The following CLASP1 variants were observed in gnomAD, a reference collection of about 807,000 sequenced individuals.
CLASP1 encodes the protein cytoplasmic linker associated protein 1.
A neutral mutation model predicts 192.3 loss-of-function variants in CLASP1; 38 were observed. The observed-to-expected ratio is 0.20, with a 90% confidence interval of 0.15 to 0.26. The LOEUF is 0.26. Ranked by LOEUF, CLASP1 falls within the 10% of genes least tolerant of loss-of-function variation. The pLI is 1.00. For missense variants in CLASP1, 1,433 were observed against 1,932.5 expected, an observed-to-expected ratio of 0.74 and a Z score of 4.85; for synonymous variants, 691 against 712.8, an observed-to-expected ratio of 0.97 and a Z score of 0.49.
chr2:121,503,371 T>C, intron 7 of CLASP1, 137 bp from the exon 8 acceptor site: 1 of 598,504 alleles, frequency 1.7e-6, no homozygotes, highest in Non-Finnish European at 3.1e-6. Context: ...AACAAAACAG[T>C]GACTCAATCA....
chr2:121,595,440 G>A (rs771034281), intron 2 of CLASP1, among the ~76,000 whole-genome samples: 12 of 152,180 alleles, frequency 7.9e-5, no homozygotes, highest in Non-Finnish European at 1.6e-4. Context: ...TTAGGTCCAC[G>A]TTCTCACTCC....
chr2:121,642,285 C>T (rs949750849), intron 1 of CLASP1, among the ~76,000 whole-genome samples: 9 of 146,814 alleles, frequency 6.1e-5, no homozygotes, highest in South Asian at 2.2e-4. Context: ...AGGGTGGTGG[C>T]GCACACCTGG....
chr2:121,384,033 T>TATGTATATATACACAC (rs2072490698), intron 32 of CLASP1, among the ~76,000 whole-genome samples: 6 of 125,544 alleles, frequency 4.8e-5, no homozygotes, highest in African/African-American at 1.4e-4. Flanking sequence ...CACACACACA[T>TATGTATATATACACAC]ATATATGTAT....
intron 2 of CLASP1, among the ~76,000 whole-genome samples, chr2:121,560,984 G>GC (rs2059031460): frequency 6.6e-6 from 1 of 152,184 alleles, no homozygotes; most frequent in African/African-American, 2.4e-5. Context: ...CTGGCTCACT[G>GC]CAACCTCTGC....
rs558464961 is a variant in CLASP1 at position 121,471,761 on chromosome 2, T to C, written c.713-1801A>G. On this transcript the variant is annotated intron_variant, in intron 8 of 39. Transcript: ENST00000263710. ...CTGTGCCTTTAAATCCCCCAGATTG[T>C]CTTGTTATGCCATTCTGTTTCAAGA... 2.6e-5 allele frequency among the ~76,000 whole-genome samples: 4 copies of C among 152,320 alleles called. No individual in the cohort carries two copies. In the South Asian group the frequency reaches 6.2e-4, roughly 24 times the overall value.
chr2:121,410,994 A>G, intron 23 of CLASP1, 25 bp from the exon 25 acceptor site: 1 of 1,420,800 alleles, frequency 7.0e-7, no homozygotes, highest in African/African-American at 1.4e-5. Context: ...AAAGCAAAAG[A>G]TGTGTCACTT....
In CLASP1 at chr2:121,527,895, A is replaced by G. The variant is rs1559521881; in HGVS notation, c.379-5T>C. The G allele has an allele frequency of 6.2e-7, 1 of 1,611,020 alleles. No individual in the cohort carries two copies. The highest frequency in any genetic ancestry group is 1.3e-5 in the African/African-American group (1 of 74,860). On this transcript the variant is annotated splice_polypyrimidine_tract_variant and splice_region_variant and intron_variant, in intron 4 of 39. Transcript: ENST00000263710. ...AAGCATTCTGTCCCATACGTACTGC[A>G]GATGACAAAGAACAGGTGAGGAAAG...
chr2:121,341,255 G>A (rs962693158), intron 39 of CLASP1, among the ~76,000 whole-genome samples: 2 of 152,148 alleles, frequency 1.3e-5, no homozygotes, highest in African/African-American at 4.8e-5. Context: ...AGGGATACGG[G>A]GGCAGGGCCA....
At chr2:121,594,443 A>G (rs2062865192) in intron 2 of CLASP1, among the ~76,000 whole-genome samples, 1 of 150,516 alleles carries the variant, frequency 6.6e-6, no homozygotes, top group Admixed American at 6.6e-5. Context: ...CCCAGGCTGG[A>G]GTGCAGTGGC....
intron 37 of CLASP1, among the ~76,000 whole-genome samples, chr2:121,360,734 G>A (rs962483821): frequency 3.3e-5 from 5 of 152,196 alleles, no homozygotes; most frequent in Admixed American, 1.3e-4. Flanking sequence ...AGGGCAATGA[G>A]TCAAGGTGAG....
In CLASP1 at chr2:121,437,435, AT is replaced by A. The variant is rs559762207; in HGVS notation, c.1913-7259del. On this transcript the variant is annotated intron_variant, in intron 19 of 39. Coordinates refer to ENST00000263710, the Ensembl canonical transcript of CLASP1. ...TCACTTTTCTTGGAAATTTATGGGA[AT>A]TCTTTAAGATCTAGATTAAAGCTGA... is the stretch of plus-strand genomic sequence containing the variant. Among the ~76,000 whole-genome samples, 220 of 152,320 alleles carry A rather than the reference AT, an allele frequency of 1.4e-3. 1 individual carries two copies. Among genetic ancestry groups the A allele is most frequent in the African/African-American group, 4.7e-3 (197 of 41,576 alleles).
At chr2:121,565,568 TC>T (rs1248073320) in intron 2 of CLASP1, among the ~76,000 whole-genome samples, 1 of 152,178 alleles carries the variant, frequency 6.6e-6, no homozygotes, top group Non-Finnish European at 1.5e-5. Context: ...GAAGCCACTT[TC>T]CCACTGAACT....
Position 121,515,808 on chromosome 2 carries a change from C to T in CLASP1, c.547-46G>A, listed in dbSNP as rs779083168. ...CTTACAGCTGCTCTGTGTCATCCCC[C>T]AGCAAGTCCTGCTGGGACACAACAG... On this transcript the variant is annotated intron_variant, in intron 6 of 39. Transcript: ENST00000263710. 7 of 1,543,450 alleles carry T rather than the reference C, an allele frequency of 4.5e-6. No individual in the cohort carries two copies. The East Asian group carries it at 1.6e-4, about 35-fold the overall frequency.
chr2:121,354,967 C>T (rs2065130675), intron 37 of CLASP1, among the ~76,000 whole-genome samples: 2 of 152,088 alleles, frequency 1.3e-5, no homozygotes, highest in Admixed American at 6.5e-5. Flanking sequence ...TCCTTCTCTC[C>T]TCCCCATCTC....
intron 1 of CLASP1, among the ~76,000 whole-genome samples, chr2:121,623,601 T>A (rs1272379463): frequency 6.6e-6 from 1 of 151,908 alleles, no homozygotes; most frequent in Non-Finnish European, 1.5e-5. Context: ...GTGTGGAGAA[T>A]TTATGTTGAT....
At chr2:121,438,615 T>A (rs1391610976) in intron 19 of CLASP1, among the ~76,000 whole-genome samples, 2 of 152,174 alleles carry the variant, frequency 1.3e-5, no homozygotes, top group Non-Finnish European at 2.9e-5. Context: ...TGGCTCTGTT[T>A]ATATGCTGGA....
At chr2:121,401,130 C>T (rs2076104721) in intron 28 of CLASP1, among the ~76,000 whole-genome samples, 3 of 151,940 alleles carry the variant, frequency 2.0e-5, no homozygotes, top group Admixed American at 1.3e-4. Flanking sequence ...CATCATACAC[C>T]GATAGAAAAA....
intron 20 of CLASP1, among the ~76,000 whole-genome samples, chr2:121,429,744 CAGA>C (rs147881542): frequency 0.01 from 1,526 of 152,284 alleles, 28 homozygotes; most frequent in African/African-American, 0.035. Flanking sequence ...AAAATTACAT[CAGA>C]AGGATTCCTT....
At position 121,457,591 on chromosome 2, in the gene CLASP1, A is replaced by G. The variant is rs2086973822; in HGVS notation, c.1385+96T>C. On this transcript the variant is annotated intron_variant, in intron 14 of 39. Coordinates refer to ENST00000263710, the Ensembl canonical transcript of CLASP1. Reference sequence around the variant, plus strand: ...GCAGTGATTTTAAGTAATACTAAGCATGTTATACATGAAATTTTATCCATG... The same window carrying G: ...GCAGTGATTTTAAGTAATACTAAGCGTGTTATACATGAAATTTTATCCATG... 4.6e-6 allele frequency: 4 copies of G among 875,360 alleles called. No homozygotes were observed. In the Admixed American group the frequency reaches 8.6e-5, roughly 19 times the overall value. 54.2% of individuals were successfully genotyped at this position (875,360 alleles called of 1,614,324 possible). A position where few individuals can be genotyped will look rare whatever the true frequency, so the allele number is the denominator to read the frequency against.
Sources: gnomAD v4.1 joint callset for allele counts (sites outside exome capture counted in the v4.1 genomes callset) on GRCh38, gnomAD v4.1.1 for gene constraint, MANE v1.5 for transcripts, NCBI Gene and HGNC (gene_info 2026-07-23, HGNC 2026-07-21) for gene names.